NRF1: variants seen among roughly 807,000 people sequenced by gnomAD.
NRF1 encodes the protein alpha palindromic-binding protein.
In NRF1, 5 loss-of-function variants were observed where a neutral mutation model predicts 58.5. The observed-to-expected ratio is 0.09, with a 90% CI of 0.04 to 0.18. The LOEUF (loss-of-function observed/expected upper bound fraction) is 0.18. Ranked by LOEUF, NRF1 falls within the 10% of genes least tolerant of loss-of-function variation. NRF1 has a pLI of 1.00. For missense variants in NRF1, 288 were observed against 657.7 expected (o/e 0.44, Z 6.15); for synonymous variants, 224 against 246.7 (o/e 0.91, Z 0.86).
intron 4 of NRF1, among the ~76,000 whole-genome samples, chr7:129,683,309 G>C (rs1258975895): frequency 6.9e-6 from 1 of 144,568 alleles, no homozygotes; most frequent in African/African-American, 2.6e-5. Context: ...GTGTGTGTGT[G>C]TGTGTGTGTG....
At chr7:129,631,521 C>G (rs1023418230) in intron 1 of NRF1, among the ~76,000 whole-genome samples, 1 of 152,088 alleles carries the variant, frequency 6.6e-6, no homozygotes, top group Admixed American at 6.6e-5. Context: ...CCCACCTTGG[C>G]CTCCTAAAGT....
chr7:129,747,745 C>T (rs892177974), intron 10 of NRF1, among the ~76,000 whole-genome samples: 3 of 152,254 alleles, frequency 2.0e-5, no homozygotes, highest in Admixed American at 6.5e-5. Flanking sequence ...AATAAACAGC[C>T]TACTTTTTCT....
At chr7:129,698,223 T>C (rs922108061) in intron 5 of NRF1, among the ~76,000 whole-genome samples, 62 of 151,934 alleles carry the variant, frequency 4.1e-4, no homozygotes, top group Non-Finnish European at 1.0e-4. Flanking sequence ...TCTTTATTAG[T>C]AAATAGGATG....
chr7:129,729,724 C>T (rs892708543), intron 10 of NRF1, among the ~76,000 whole-genome samples: 3 of 152,174 alleles, frequency 2.0e-5, no homozygotes. Context: ...GGATTGGAAC[C>T]AGATTTTTCC....
intron 1 of NRF1, among the ~76,000 whole-genome samples, chr7:129,650,401 A>T (rs1005948650): frequency 2.0e-5 from 3 of 152,088 alleles, no homozygotes; most frequent in Admixed American, 2.0e-4. Flanking sequence ...TTGGTTTCCT[A>T]TAGTTTCTTT....
intron 10 of NRF1, among the ~76,000 whole-genome samples, chr7:129,744,692 ATTACTGTCTATTTCCAC>A (rs1194995415): frequency 6.6e-6 from 1 of 152,192 alleles, no homozygotes; most frequent in Non-Finnish European, 1.5e-5. Flanking sequence ...CTAAAGCCCC[ATTACTGTCTATTTCCAC>A]TTACTGATCT....
In NRF1 at chr7:129,748,403, T is replaced by TAA. The variant is rs199767398; in HGVS notation, c.1349-6613_1349-6612dup. The stretch of plus-strand genomic sequence containing the variant: ...GGGGCCAAATGAATGGTGGCGGCAA[T>TAA]AAAGTCACAGGAGGGAGAAACCAGG... On this transcript the variant is annotated intron_variant, in intron 10 of 10. Coordinates refer to ENST00000393232, the MANE Select transcript of NRF1 (RefSeq NM_005011.5). Among the ~76,000 whole-genome samples, 1,154 of 149,960 alleles carry TAA rather than the reference T, an allele frequency of 7.7e-3. 17 individuals carry two copies. Among genetic ancestry groups the TAA allele is most frequent in the African/African-American group, 0.027 (1,098 of 40,702 alleles).
intron 5 of NRF1, among the ~76,000 whole-genome samples, chr7:129,695,466 C>A (rs1291248399): frequency 6.6e-6 from 1 of 151,764 alleles, no homozygotes; most frequent in East Asian, 1.9e-4. Flanking sequence ...AATCCAGCTA[C>A]TCGGGAGGCT....
intron 3 of NRF1, among the ~76,000 whole-genome samples, chr7:129,677,324 A>G (rs1460757778): frequency 1.3e-5 from 2 of 152,062 alleles, no homozygotes; most frequent in Non-Finnish European, 2.9e-5. Flanking sequence ...GCCAGTTGTA[A>G]TCTTTATAAT....
At chr7:129,655,199 T>G (rs1801624162) in intron 1 of NRF1, among the ~76,000 whole-genome samples, 1 of 152,212 alleles carries the variant, frequency 6.6e-6, no homozygotes, top group African/African-American at 2.4e-5. Context: ...TACTCAGTAT[T>G]TCACTTTTTG....
At chr7:129,687,654 G>A (rs1423076272) in intron 4 of NRF1, among the ~76,000 whole-genome samples, 1 of 152,202 alleles carries the variant, frequency 6.6e-6, no homozygotes, top group Non-Finnish European at 1.5e-5. Flanking sequence ...TTCTGAAATG[G>A]TGCTAAATGA....
At chr7:129,660,114 A>T (rs1801747201) in intron 2 of NRF1, among the ~76,000 whole-genome samples, 1 of 152,218 alleles carries the variant, frequency 6.6e-6, no homozygotes, top group Non-Finnish European at 1.5e-5. Flanking sequence ...TCCTCCTTTT[A>T]AAACCATCAG....
chr7:129,689,818 C>T (rs181600494), intron 4 of NRF1, among the ~76,000 whole-genome samples: 4 of 152,300 alleles, frequency 2.6e-5, no homozygotes, highest in South Asian at 2.1e-4. Flanking sequence ...TCCCTTTGGC[C>T]CGGGCCTTAC....
At chr7:129,735,814 C>T (rs189088434) in intron 10 of NRF1, among the ~76,000 whole-genome samples, 1 of 152,122 alleles carries the variant, frequency 6.6e-6, no homozygotes, top group Non-Finnish European at 1.5e-5. Context: ...CGAGACCATC[C>T]TGACTAACAC....
intron 10 of NRF1, among the ~76,000 whole-genome samples, chr7:129,747,026 A>G (rs1028617898): frequency 6.6e-6 from 1 of 152,126 alleles, no homozygotes; most frequent in African/African-American, 2.4e-5. Context: ...GTCCTGCTCT[A>G]TCTTGTCGTG....
At chr7:129,740,211 C>G (rs1803814522) in intron 10 of NRF1, among the ~76,000 whole-genome samples, 1 of 152,188 alleles carries the variant, frequency 6.6e-6, no homozygotes, top group South Asian at 2.1e-4. Flanking sequence ...GTTGATGGCA[C>G]TAATTTGCGG....
intron 5 of NRF1, among the ~76,000 whole-genome samples, chr7:129,696,418 AG>A (rs1554410368): frequency 6.6e-6 from 1 of 152,160 alleles, no homozygotes; most frequent in Non-Finnish European, 1.5e-5. Context: ...AGTTCTTTAC[AG>A]GGGCATCTCA....
intron 1 of NRF1, among the ~76,000 whole-genome samples, chr7:129,640,985 A>G (rs1801276230): frequency 6.6e-6 from 1 of 152,222 alleles, no homozygotes; most frequent in South Asian, 2.1e-4. Flanking sequence ...TGTTATTTGT[A>G]CATCCTAACA....
At chr7:129,674,417 A>G (rs548842700) in intron 3 of NRF1, among the ~76,000 whole-genome samples, 2 of 151,992 alleles carry the variant, frequency 1.3e-5, no homozygotes, top group South Asian at 2.1e-4. Context: ...AAAAAAAGCA[A>G]TGTACATACC....
Sources: gnomAD v4.1 joint callset for allele counts (sites outside exome capture counted in the v4.1 genomes callset) on GRCh38, gnomAD v4.1.1 for gene constraint, MANE v1.5 for transcripts, NCBI Gene and HGNC (gene_info 2026-07-23, HGNC 2026-07-21) for gene names.